Variants in SNAP47 observed in about 807,000 individuals in gnomAD.
SNAP47 encodes the protein synaptosomal-associated protein 47.
SNAP47 carries 20 observed loss-of-function variants against 31.4 expected under a neutral mutation model. That is an observed-to-expected ratio of 0.64 (90% CI 0.45 to 0.93). The LOEUF (loss-of-function observed/expected upper bound fraction) is 0.93. SNAP47 is among the 40% of genes least tolerant of loss of function. The pLI, the probability that SNAP47 is intolerant of heterozygous loss-of-function variation, is 0.00. For synonymous variants in SNAP47, 194 were observed against 213.4 expected (o/e 0.91, Z 0.79); for missense variants, 492 against 528.5 (o/e 0.93, Z 0.68).
intron 4 of SNAP47, chr1:227,776,654 T>C (rs1240285376): frequency 7.1e-6 from 7 of 985,358 alleles, no homozygotes; most frequent in Non-Finnish European, 7.2e-6. Flanking sequence ...CACGATGCCA[T>C]GTAATTACTT....
intron 4 of SNAP47, chr1:227,770,551 CT>C (rs1663736038): frequency 6.5e-6 from 1 of 154,936 alleles, no homozygotes; most frequent in South Asian, 2.0e-4. Context: ...CCTTTCTTTC[CT>C]TTTGTTTCTC....
rs566682918 is a variant in SNAP47 at position 227,748,093 on chromosome 1, C to T, written c.357C>T (p.Gly119=). The change falls in exon 2 of 5, where the codon GGC becomes GGT. Residue 119 remains glycine (G), a synonymous_variant. Coordinates refer to ENST00000617596, the MANE Select transcript of SNAP47 (RefSeq NM_053052.4). ...VADASVPRTR[G]EELTGLMAGS... Reference sequence around the variant, plus strand: ...ACGCATCTGTCCCAAGGACCCGGGGCGAGGAGCTGACGGGACTCATGGCTG... The same window carrying T: ...ACGCATCTGTCCCAAGGACCCGGGGTGAGGAGCTGACGGGACTCATGGCTG... 33 of 1,614,048 alleles carry T rather than the reference C, an allele frequency of 2.0e-5. No homozygotes were observed. In the Middle Eastern group the frequency reaches 5.0e-4, roughly 24 times the overall value.
intron 4 of SNAP47, among the ~76,000 whole-genome samples, chr1:227,768,923 G>A (rs1663612322): frequency 6.6e-6 from 1 of 152,268 alleles, no homozygotes; most frequent in South Asian, 2.1e-4. Flanking sequence ...CCACGGTTGT[G>A]TTTAGACTGA....
chr1:227,729,962 G>A (rs1558179083), intron 1 of SNAP47, among the ~76,000 whole-genome samples: 1 of 152,176 alleles, frequency 6.6e-6, no homozygotes, highest in African/African-American at 2.4e-5. Context: ...GCCACTGCAC[G>A]CCCTCACCCA....
At chr1:227,760,845 C>T (rs910279421) in intron 3 of SNAP47, among the ~76,000 whole-genome samples, 1 of 152,264 alleles carries the variant, frequency 6.6e-6, no homozygotes, top group African/African-American at 2.4e-5. Flanking sequence ...GCTTTAGAGG[C>T]TATAGCCACT....
intron 4 of SNAP47, 96 bp from the exon 5 acceptor site, chr1:227,780,431 C>T (rs1468434464): frequency 1.3e-5 from 20 of 1,532,556 alleles, no homozygotes; most frequent in East Asian, 6.8e-5. Context: ...CAGGTGGTAA[C>T]GCAAAGGCTC....
intron 3 of SNAP47, among the ~76,000 whole-genome samples, chr1:227,760,877 C>G (rs1663014996): frequency 6.6e-6 from 1 of 152,246 alleles, no homozygotes; most frequent in South Asian, 2.1e-4. Flanking sequence ...CTCTTCCTCC[C>G]TTACAGAAAT....
rs765256205 is a variant in SNAP47 at position 227,741,215 on chromosome 1, TG to T, written c.-46+5721del. Among the ~76,000 whole-genome samples, 3 of 151,978 alleles carry T rather than the reference TG, an allele frequency of 2.0e-5. No homozygotes were observed. The highest frequency in any genetic ancestry group is 4.4e-5 in the Non-Finnish European group (3 of 67,986). ...AGTGGGTGTTTGGGAGGCAACGGCTTGGGGGTGATGTTGAGTTTCTGGCCTG... is the reference window on the plus strand; with the variant it reads ...AGTGGGTGTTTGGGAGGCAACGGCTTGGGGTGATGTTGAGTTTCTGGCCTG... On this transcript the variant is annotated intron_variant, in intron 1 of 4. Coordinates refer to ENST00000617596, the MANE Select transcript of SNAP47 (RefSeq NM_053052.4). The surrounding 1 kb of genome is among the most constrained non-coding windows in gnomAD (Gnocchi z 4.2).
upstream of SNAP47, chr1:227,735,247 G>A (rs556796845): frequency 9.4e-6 from 15 of 1,601,644 alleles, no homozygotes; most frequent in African/African-American, 1.3e-4. Flanking sequence ...AGTGGCTGTC[G>A]GCGAGGGCGC....
intron 4 of SNAP47, among the ~76,000 whole-genome samples, chr1:227,779,285 C>T (rs1664326617): frequency 6.6e-6 from 1 of 152,166 alleles, no homozygotes; most frequent in African/African-American, 2.4e-5. Context: ...GACCCTGAAT[C>T]CCAAGCTGCA....
rs779634328 is a variant in SNAP47, at chr1:227,759,303, G to T, written c.806G>T (p.Arg269Leu). 13 of 1,614,088 alleles carry T rather than the reference G, an allele frequency of 8.1e-6. No homozygotes were observed. Among genetic ancestry groups the T allele is most frequent in the South Asian group, 2.2e-5 (2 of 91,088 alleles). ...CACTCACCTTACGAAATTAGCATCC[G>T]CCAGCGGTTTATTGGAAAGCCAGAC... is the stretch of plus-strand genomic sequence containing the variant. ...KVHSPYEISI[R>L]QRFIGKPDMA... is the part of the protein sequence containing the mutation. The change falls in exon 3 of 5, where the codon CGC becomes CTC. Residue 269 changes from arginine to leucine, a missense_variant. Arg to Leu is a moderately radical substitution (Grantham distance 102, BLOSUM62 -2). Coordinates refer to ENST00000617596, the MANE Select transcript of SNAP47 (RefSeq NM_053052.4).
chr1:227,732,940 C>A, upstream of SNAP47: 1 of 1,613,188 alleles, frequency 6.2e-7, no homozygotes, highest in Non-Finnish European at 8.5e-7. Flanking sequence ...TCCTCCTGCA[C>A]GGCGCATAGC....
upstream of SNAP47, chr1:227,734,758 T>C (rs780322331): frequency 1.2e-6 from 2 of 1,614,060 alleles, no homozygotes; most frequent in Non-Finnish European, 1.7e-6. Context: ...TCATGTGCTC[T>C]TTGGGGTTCG....
chr1:227,771,468 G>A (rs1663798072), intron 4 of SNAP47, among the ~76,000 whole-genome samples: 1 of 152,036 alleles, frequency 6.6e-6, no homozygotes, highest in Admixed American at 6.5e-5. Context: ...TGTCCCAGGG[G>A]CGCCCTGGAC....
chr1:227,749,370 A>C (rs539072233), intron 2 of SNAP47, among the ~76,000 whole-genome samples: 18 of 152,154 alleles, frequency 1.2e-4, no homozygotes, highest in African/African-American at 4.3e-4. Flanking sequence ...CTCAGGTTCC[A>C]TCCAGTCCCT....
At chr1:227,758,452 A>G (rs1662827054) in intron 2 of SNAP47, among the ~76,000 whole-genome samples, 1 of 152,210 alleles carries the variant, frequency 6.6e-6, no homozygotes, top group Non-Finnish European at 1.5e-5. Flanking sequence ...TGCAGTCGGC[A>G]CCAACAGGAA....
chr1:227,752,624 G>A (rs545848791), intron 2 of SNAP47, among the ~76,000 whole-genome samples: 6 of 152,200 alleles, frequency 3.9e-5, no homozygotes, highest in Admixed American at 2.0e-4. Context: ...TTTTGTACCC[G>A]AACTCAGGTC....
upstream of SNAP47, chr1:227,730,424 AT>A (rs11312012): frequency 0.63 from 92,149 of 145,990 alleles, 29,117 homozygotes; most frequent in African/African-American, 0.75. Flanking sequence ...TGGTGTCAGC[AT>A]TTTTTTTTTT....
intron 4 of SNAP47, among the ~76,000 whole-genome samples, chr1:227,771,591 G>A (rs2102988539): frequency 6.6e-6 from 1 of 152,264 alleles, no homozygotes; most frequent in East Asian, 1.9e-4. Flanking sequence ...CTTTTAACCT[G>A]TATGCTCTTT....
Sources: gnomAD v4.1 joint callset for allele counts (sites outside exome capture counted in the v4.1 genomes callset) on GRCh38, gnomAD v4.1.1 for gene constraint, Gnocchi (gnomAD v3.1) non-coding constraint, MANE v1.5 for transcripts, NCBI Gene and HGNC (gene_info 2026-07-23, HGNC 2026-07-21) for gene names.